Variants in ARFGAP3 observed in about 807,000 individuals in gnomAD.
ARFGAP3 encodes ARF GTPase activating protein 3.
In ARFGAP3, 72 loss-of-function variants were observed where a neutral mutation model predicts 75.0. That is an observed-to-expected ratio of 0.96 (90% confidence interval 0.79 to 1.17). The LOEUF (loss-of-function observed/expected upper bound fraction) is 1.17, where lower values mean the gene tolerates loss of function less well. ARFGAP3 is among the 50% of genes most tolerant of loss of function. The pLI, the probability that ARFGAP3 is intolerant of heterozygous loss-of-function variation, is 0.00. For missense variants in ARFGAP3, 620 were observed against 626.6 expected, an observed-to-expected ratio of 0.99 and a Z score of 0.11; for synonymous variants, 221 against 217.9, an observed-to-expected ratio of 1.01 and a Z score of -0.13.
At chr22:42,821,994 T>C (rs1262890366) in intron 9 of ARFGAP3, among the ~76,000 whole-genome samples, 1 of 152,188 alleles carries the variant, frequency 6.6e-6, no homozygotes, top group Non-Finnish European at 1.5e-5. Flanking sequence ...ATGTGAAGCA[T>C]GTTTCATGTG....
chr22:42,838,482 C>T (rs149923478), intron 3 of ARFGAP3, among the ~76,000 whole-genome samples: 30 of 151,238 alleles, frequency 2.0e-4, no homozygotes, highest in African/African-American at 7.3e-4. Context: ...GTCTTTTGTA[C>T]GATGAGGTCT....
At position 42,831,623 on chromosome 22, in the gene ARFGAP3, G is replaced by A. The variant is rs771131743; in HGVS notation, c.491C>T (p.Ala164Val). ...TGGTTCTGCTATTGCTGATGCCCAC[G>A]CTGTGTCACTCACCTGAAACAAGGC... ...SHVSPEVSDT[A>V]WASAIAEPSS... The change falls in exon 6 of 16, where the codon GCG (alanine) becomes GTG (valine). Residue 164 changes from alanine to valine, a missense_variant. By Grantham distance (64) the Ala-to-Val change is moderately conservative (BLOSUM62 0). Transcript: ENST00000263245. 4 of 1,613,928 alleles carry A rather than the reference G, an allele frequency of 2.5e-6. No homozygotes were observed. The highest frequency in any genetic ancestry group is 3.3e-5 in the Admixed American group (2 of 59,998).
At chr22:42,807,801 CTTTTT>C (rs111653734) in intron 13 of ARFGAP3, among the ~76,000 whole-genome samples, 2 of 143,432 alleles carry the variant, frequency 1.4e-5, no homozygotes, top group Non-Finnish European at 3.1e-5. Context: ...ACATTTCTTT[CTTTTT>C]TTTTTTTTTG....
intron 9 of ARFGAP3, among the ~76,000 whole-genome samples, chr22:42,821,679 T>C (rs1925818727): frequency 6.6e-6 from 1 of 152,252 alleles, no homozygotes; most frequent in Non-Finnish European, 1.5e-5. Flanking sequence ...TTAACGCCAC[T>C]ATGAACATTC....
chr22:42,799,123 G>C lies in ARFGAP3; in HGVS notation c.1449C>G (p.Pro483=). The C allele has an allele frequency of 6.2e-7, 1 of 1,614,092 alleles. No individual in the cohort carries two copies. The highest frequency in any genetic ancestry group is 8.5e-7 in the Non-Finnish European group (1 of 1,180,004). The change falls in exon 15 of 16, where the codon CCC becomes CCG. Residue 483 remains proline (P), a synonymous_variant. Transcript: ENST00000263245. ...YSLSSVLPNA[P]DMAQFKQGVR... is the part of the protein sequence containing the mutation. ...CTCCCTGCTTGAACTGCGCCATGTC[G>C]GGGGCGTTGGGCAGCACACTGGACA...
chr22:42,798,042 C>T lies in ARFGAP3; in HGVS notation c.1534-437G>A, dbSNP rs531789120. Among the ~76,000 whole-genome samples the T allele has an allele frequency of 2.4e-3, 358 of 152,312 alleles. 4 individuals carry two copies. Among genetic ancestry groups the T allele is most frequent in the South Asian group, 7.0e-3 (34 of 4,826 alleles). ...CTAACCTTCTGTGCCTCAATTCCTTCACCTGTAAAATGGGGATATAAAAGG... is the reference window on the plus strand; with the variant it reads ...CTAACCTTCTGTGCCTCAATTCCTTTACCTGTAAAATGGGGATATAAAAGG... On this transcript the variant is annotated intron_variant, in intron 15 of 15. Transcript: ENST00000263245.
chr22:42,798,170 T>C (rs1373236176), intron 15 of ARFGAP3, among the ~76,000 whole-genome samples: 1 of 152,182 alleles, frequency 6.6e-6, no homozygotes, highest in African/African-American at 2.4e-5. Flanking sequence ...AAGAGCTCTA[T>C]GCATTTTAAC....
intron 3 of ARFGAP3, among the ~76,000 whole-genome samples, chr22:42,838,608 T>C (rs1926642494): frequency 6.6e-6 from 1 of 152,020 alleles, no homozygotes; most frequent in Non-Finnish European, 1.5e-5. Flanking sequence ...TAATTTTTAT[T>C]TGAAATGCAT....
At chr22:42,834,395 C>A in intron 4 of ARFGAP3, 70 bp from the exon 5 acceptor site, 1 of 1,571,772 alleles carries the variant, frequency 6.4e-7, no homozygotes, top group South Asian at 1.2e-5. Context: ...TGATACCTTT[C>A]ACTTCCCTTA....
intron 9 of ARFGAP3, among the ~76,000 whole-genome samples, chr22:42,821,594 T>C (rs1399065810): frequency 6.6e-6 from 1 of 152,266 alleles, no homozygotes; most frequent in Non-Finnish European, 1.5e-5. Flanking sequence ...GTCCATTGTA[T>C]GGACATACCA....
intron 6 of ARFGAP3, among the ~76,000 whole-genome samples, chr22:42,827,783 C>T (rs376550830): frequency 6.6e-6 from 1 of 152,144 alleles, no homozygotes; most frequent in East Asian, 1.9e-4. Context: ...GTTAGCAACT[C>T]TATGAAGCCT....
intron 2 of ARFGAP3, among the ~76,000 whole-genome samples, chr22:42,844,826 T>C (rs1926942171): frequency 6.6e-6 from 1 of 152,218 alleles, no homozygotes; most frequent in Non-Finnish European, 1.5e-5. Context: ...CCTAGACTCC[T>C]GCCCTAAGGT....
Position 42,807,244 on chromosome 22 carries a change from A to C in ARFGAP3, c.1321-81T>G. On this transcript the variant is annotated intron_variant, in intron 13 of 15. Transcript: ENST00000263245. ...CAAAAAGAATCACTGAAGAGCTGTC[A>C]TTTGAAAGTGTTTGACCCCCAGGCT... 2.7e-6 allele frequency: 4 copies of C among 1,503,782 alleles called. No individual in the cohort carries two copies. In the Middle Eastern group the frequency reaches 5.3e-4, roughly 201 times the overall value. 93.2% of individuals were successfully genotyped at this position (1,503,782 alleles called of 1,614,324 possible). A position where few individuals can be genotyped will look rare whatever the true frequency, so the allele number is the denominator to read the frequency against.
chr22:42,797,746 G>A (rs1924669271), intron 15 of ARFGAP3, 141 bp from the exon 16 acceptor site: 3 of 1,567,584 alleles, frequency 1.9e-6, no homozygotes, highest in Non-Finnish European at 2.6e-6. Context: ...CCGAGGGTGT[G>A]CTCATCTGGA....
chr22:42,798,922 A>C, intron 15 of ARFGAP3, 117 bp downstream of exon 15: 1 of 840,650 alleles, frequency 1.2e-6, no homozygotes, highest in Non-Finnish European at 2.0e-6. Flanking sequence ...TGTAGCAAAC[A>C]TATCGATCCA....
At chr22:42,835,617 C>T in intron 3 of ARFGAP3, 124 bp from the exon 4 acceptor site, 1 of 1,036,598 alleles carries the variant, frequency 9.6e-7, no homozygotes, top group Non-Finnish European at 1.4e-6. Context: ...GTCGGGAGAT[C>T]AGTACCATCC....
In ARFGAP3 at chr22:42,811,012, T is replaced by C. The variant is rs181364196; in HGVS notation, c.1065-68A>G. ...TGACACTCGTCCTGGGCTCTCTCAC[T>C]TCCACAGATGTGGGGGATGCCTCCT... On this transcript the variant is annotated intron_variant, in intron 11 of 15. Transcript: ENST00000263245. 5.3e-4 allele frequency: 843 copies of C among 1,577,366 alleles called. 11 individuals carry two copies. In the East Asian group the frequency reaches 0.015, roughly 28 times the overall value.
intron 6 of ARFGAP3, among the ~76,000 whole-genome samples, chr22:42,827,436 G>A (rs1001948102): frequency 5.3e-5 from 8 of 151,922 alleles, no homozygotes; most frequent in Non-Finnish European, 8.8e-5. Context: ...GCACGATCTC[G>A]GCTCACTGCA....
At chr22:42,818,252 CTTGAT>C (rs67071291) in intron 9 of ARFGAP3, among the ~76,000 whole-genome samples, 59,205 of 151,612 alleles carry the variant, frequency 0.39, 12,063 homozygotes, top group Non-Finnish European at 0.45. Flanking sequence ...ACTAGTCTAT[CTTGAT>C]TTAAGATAAA....
Sources: allele counts gnomAD v4.1 joint callset (sites outside exome capture counted in the v4.1 genomes callset), GRCh38; gene constraint gnomAD v4.1.1; transcripts MANE v1.5; gene names NCBI Gene and HGNC (gene_info 2026-07-23, HGNC 2026-07-21).